Variants in PLPPR4 observed in about 807,000 individuals in gnomAD.
PLPPR4 encodes phospholipid phosphatase related 4, also known as phospholipid phosphatase-related protein type 4.
A neutral mutation model predicts 56.6 loss-of-function variants in PLPPR4; 24 were observed. The ratio of observed to expected loss-of-function variants is 0.42; its 90% CI spans 0.31 to 0.60. PLPPR4 has a LOEUF of 0.60. Ranked by LOEUF, PLPPR4 falls within the 20% of genes least tolerant of loss-of-function variation. The pLI, the probability that PLPPR4 is intolerant of heterozygous loss-of-function variation, is 0.13. For synonymous variants in PLPPR4, 326 were observed against 328.1 expected (o/e 0.99, Z 0.07); for missense variants, 654 against 885.8 (o/e 0.74, Z 3.32).
intron 1 of PLPPR4, among the ~76,000 whole-genome samples, chr1:99,267,144 A>G (rs1658919769): frequency 1.3e-5 from 2 of 152,236 alleles, no homozygotes; most frequent in Admixed American, 1.3e-4. Context: ...AACAGATCTC[A>G]GGAGAAAACA....
chr1:99,276,919 C>T (rs1332720998), intron 1 of PLPPR4, among the ~76,000 whole-genome samples: 2 of 152,106 alleles, frequency 1.3e-5, no homozygotes, highest in Non-Finnish European at 2.9e-5. Context: ...CAAAATTGCC[C>T]ATGTTTGGTG....
In PLPPR4 at chr1:99,307,450, C is replaced by G. The variant is rs1660058855; in HGVS notation, c.*440C>G. On this transcript the variant is annotated 3_prime_UTR_variant, in exon 7 of 7. Coordinates refer to ENST00000370185, the MANE Select transcript of PLPPR4 (RefSeq NM_014839.5). ...CATTTTGCAGAATCTGCACCTACAG[C>G]TCAATACGGGTGGTGCTGATTATTA... 1 of 171,438 alleles carries G rather than the reference C, an allele frequency of 5.8e-6. No homozygotes were observed. Among genetic ancestry groups the G allele is most frequent in the Admixed American group, 5.4e-5 (1 of 18,506 alleles). 10.6% of individuals were successfully genotyped at this position (171,438 alleles called of 1,614,324 possible). A position where few individuals can be genotyped will look rare whatever the true frequency, so the allele number is the denominator to read the frequency against.
chr1:99,265,321 A>T (rs1658868054), intron 1 of PLPPR4, among the ~76,000 whole-genome samples: 2 of 152,170 alleles, frequency 1.3e-5, no homozygotes, highest in Non-Finnish European at 2.9e-5. Flanking sequence ...AATCTATGAC[A>T]TCATCTGATT....
In PLPPR4 at chr1:99,306,566, G is replaced by A. The variant is rs993053250; in HGVS notation, c.1704G>A (p.Glu568=). 25 of 1,614,018 alleles carry A rather than the reference G, an allele frequency of 1.5e-5. No individual in the cohort carries two copies. The highest frequency in any genetic ancestry group is 2.7e-5 in the African/African-American group (2 of 74,916). ...SIRYKTLTDH[E]PSGIVRVEAH... ...GCTATAAAACCTTGACAGACCATGA[G>A]CCCAGTGGGATAGTGAGGGTTGAGG... The change falls in exon 7 of 7, where the codon GAG becomes GAA. Residue 568 remains glutamate (E), a synonymous_variant. Coordinates refer to ENST00000370185, the MANE Select transcript of PLPPR4 (RefSeq NM_014839.5). The surrounding 1 kb of genome is among the most constrained non-coding windows in gnomAD (Gnocchi z 4.0).
At chr1:99,276,545 T>A (rs1659189910) in intron 1 of PLPPR4, among the ~76,000 whole-genome samples, 1 of 152,154 alleles carries the variant, frequency 6.6e-6, no homozygotes, top group Non-Finnish European at 1.5e-5. Context: ...TATGTCAATT[T>A]AAATCTCAAA....
At chr1:99,276,175 C>T (rs940322064) in intron 1 of PLPPR4, among the ~76,000 whole-genome samples, 1 of 152,058 alleles carries the variant, frequency 6.6e-6, no homozygotes, top group Non-Finnish European at 1.5e-5. Context: ...AAGAAGGGCT[C>T]ATAATGGGCA....
At chr1:99,268,495 C>T (rs972296720) in intron 1 of PLPPR4, among the ~76,000 whole-genome samples, 4 of 152,144 alleles carry the variant, frequency 2.6e-5, no homozygotes, top group East Asian at 3.8e-4. Context: ...TTGTTCACCA[C>T]GATACCTGAT....
intron 1 of PLPPR4, among the ~76,000 whole-genome samples, chr1:99,275,363 T>C (rs1302444899): frequency 6.6e-6 from 1 of 152,190 alleles, no homozygotes; most frequent in Non-Finnish European, 1.5e-5. Flanking sequence ...CTCAGACTAA[T>C]GGTTATTCCA....
intron 2 of PLPPR4, among the ~76,000 whole-genome samples, chr1:99,290,262 A>G (rs1659583087): frequency 6.6e-6 from 1 of 152,148 alleles, no homozygotes; most frequent in Non-Finnish European, 1.5e-5. Context: ...TGCAAGGAGA[A>G]CTACAAACTA....
At chr1:99,265,208 G>A (rs537149358) in intron 1 of PLPPR4, among the ~76,000 whole-genome samples, 363 of 148,784 alleles carry the variant, frequency 2.4e-3, no homozygotes, top group African/African-American at 8.4e-3. Context: ...TTCTGAAATT[G>A]GATCTGCATC....
Position 99,306,503 on chromosome 1 carries a change from C to T in PLPPR4, c.1641C>T (p.Asn547=). The T allele has an allele frequency of 6.2e-7, 1 of 1,614,178 alleles. No homozygotes were observed. Among genetic ancestry groups the T allele is most frequent in the Non-Finnish European group, 8.5e-7 (1 of 1,180,022 alleles). The change falls in exon 7 of 7, where the codon AAC becomes AAT. Residue 547 remains asparagine (N), a synonymous_variant. Coordinates refer to ENST00000370185, the MANE Select transcript of PLPPR4 (RefSeq NM_014839.5). This position sits in a 1 kb window ranked among gnomAD's most constrained non-coding sequence, Gnocchi z 4.0. The part of the protein sequence containing the change: ...QQGVLQSSPK[N]TEGSTVSCTG... ...GTGTCCTCCAAAGCAGCCCCAAGAA[C>T]ACTGAAGGCAGCACGGTCTCCTGCA...
chr1:99,280,269 T>C (rs1359145265), intron 1 of PLPPR4, among the ~76,000 whole-genome samples: 2 of 152,212 alleles, frequency 1.3e-5, no homozygotes, highest in Non-Finnish European at 2.9e-5. Flanking sequence ...GCACAATTTA[T>C]ATAACCTATT....
intron 1 of PLPPR4, among the ~76,000 whole-genome samples, chr1:99,278,947 C>T (rs1659257164): frequency 6.6e-6 from 1 of 152,100 alleles, no homozygotes; most frequent in Non-Finnish European, 1.5e-5. Flanking sequence ...TTTGTTAATG[C>T]TAATGAAATC....
At chr1:99,268,790 TA>T (rs1422260815) in intron 1 of PLPPR4, among the ~76,000 whole-genome samples, 3 of 152,134 alleles carry the variant, frequency 2.0e-5, no homozygotes, top group African/African-American at 7.2e-5. Flanking sequence ...GAAAAGCAGG[TA>T]AAAAGCAATG....
chr1:99,263,124 A>G (rs1176926010), upstream of PLPPR4, among the ~76,000 whole-genome samples: 1 of 152,136 alleles, frequency 6.6e-6, no homozygotes, highest in African/African-American at 2.4e-5. Context: ...GGACAGAAAA[A>G]ATTATAGAAT....
At chr1:99,293,828 A>G (rs905045554) in intron 2 of PLPPR4, among the ~76,000 whole-genome samples, 4 of 152,132 alleles carry the variant, frequency 2.6e-5, no homozygotes, top group African/African-American at 9.7e-5. Flanking sequence ...CCCTATGATG[A>G]CTGTTCCATG....
At chr1:99,282,694 G>T (rs1355964445) in intron 1 of PLPPR4, among the ~76,000 whole-genome samples, 1 of 151,770 alleles carries the variant, frequency 6.6e-6, no homozygotes, top group Non-Finnish European at 1.5e-5. Flanking sequence ...TTGGACGTCG[G>T]GTCTCTGCAA....
At chr1:99,263,833 C>T (rs949379033), upstream of PLPPR4, 2 of 152,292 alleles carry the variant, frequency 1.3e-5, no homozygotes, top group South Asian at 2.1e-4. Flanking sequence ...TGCATTCACA[C>T]ATCTGCCTCT....
intron 1 of PLPPR4, among the ~76,000 whole-genome samples, chr1:99,280,246 C>T (rs898346382): frequency 4.6e-5 from 7 of 152,134 alleles, no homozygotes; most frequent in African/African-American, 1.4e-4. Context: ...AATTTGGGGG[C>T]TTTGTGGCTG....
Sources: gnomAD v4.1 joint callset for allele counts (sites outside exome capture counted in the v4.1 genomes callset) on GRCh38, gnomAD v4.1.1 for gene constraint, Gnocchi (gnomAD v3.1) non-coding constraint, MANE v1.5 for transcripts, NCBI Gene and HGNC (gene_info 2026-07-23, HGNC 2026-07-21) for gene names.